The following TBCK variants were observed in gnomAD, a reference collection of about 807,000 sequenced individuals.
TBCK encodes the protein TBC1 domain containing kinase, also known as TBC domain-containing protein kinase-like protein.
Under a neutral mutation model 113.4 loss-of-function variants are expected in TBCK, and 99 were observed. That is an observed-to-expected ratio of 0.87 (90% CI 0.74 to 1.03). The LOEUF is 1.03. TBCK is among the 50% of genes least tolerant of loss of function. The pLI, the probability that TBCK is intolerant of heterozygous loss-of-function variation, is 0.00. For missense variants in TBCK, 1,045 were observed against 1,061.3 expected (o/e 0.98, Z 0.21); for synonymous variants, 369 against 370.8 (o/e 1.00, Z 0.05).
intron 3 of TBCK, among the ~76,000 whole-genome samples, chr4:106,269,111 T>A (rs572280003): frequency 2.8e-4 from 42 of 152,218 alleles, no homozygotes; most frequent in African/African-American, 9.4e-4. Flanking sequence ...TTACTTGGTA[T>A]CAGCCTGAAT....
chr4:106,133,500 T>C (rs956114145), intron 23 of TBCK, among the ~76,000 whole-genome samples: 4 of 151,996 alleles, frequency 2.6e-5, no homozygotes, highest in African/African-American at 9.7e-5. Flanking sequence ...TAAAAAGAGA[T>C]CATTAAATAG....
intron 9 of TBCK, chr4:106,247,504 C>G: frequency 2.4e-6 from 1 of 424,664 alleles, no homozygotes. Context: ...TGTACTTTAC[C>G]TCATGATGTA....
rs769379666 is a variant in TBCK at position 106,044,670 on chromosome 4, G to A, written c.*1900C>T. ...GAGGGGTTAATGTGGAATACCTGCT[G>A]ATCAGGTAGACAATTGCATACAATG... On this transcript the variant is annotated 3_prime_UTR_variant, in exon 26 of 26. Coordinates refer to ENST00000394708, the MANE Select transcript of TBCK (RefSeq NM_001163435.3). 2 of 152,178 alleles carry A rather than the reference G, an allele frequency of 1.3e-5. No individual in the cohort carries two copies. The highest frequency in any genetic ancestry group is 1.5e-5 in the Non-Finnish European group (1 of 68,034). The allele number at this position is 152,178 out of a possible 1,614,324, so 9.4% of individuals were successfully genotyped here. A position where few individuals can be genotyped will look rare whatever the true frequency, so the allele number is the denominator to read the frequency against.
chr4:106,237,477 T>C (rs1759601519), intron 12 of TBCK: 1 of 455,684 alleles, frequency 2.2e-6, no homozygotes, highest in Non-Finnish European at 4.4e-6. Context: ...TGATTAAAGT[T>C]AATGCCATCT....
At chr4:106,189,833 T>A (rs1753465023) in intron 22 of TBCK, among the ~76,000 whole-genome samples, 1 of 152,150 alleles carries the variant, frequency 6.6e-6, no homozygotes, top group East Asian at 1.9e-4. Flanking sequence ...TACCTCTCCA[T>A]TCACTTTTCT....
At chr4:106,122,024 C>T (rs1744458005) in intron 23 of TBCK, among the ~76,000 whole-genome samples, 1 of 152,064 alleles carries the variant, frequency 6.6e-6, no homozygotes, top group African/African-American at 2.4e-5. Context: ...TAACTAAAAT[C>T]AGAGCAGAAC....
intron 25 of TBCK, among the ~76,000 whole-genome samples, chr4:106,073,576 G>A (rs556031032): frequency 6.6e-6 from 1 of 152,326 alleles, no homozygotes; most frequent in Non-Finnish European, 1.5e-5. Context: ...GGGTGTCAGG[G>A]ACCCACTTGA....
At chr4:106,125,803 A>G (rs901879727) in intron 23 of TBCK, among the ~76,000 whole-genome samples, 6 of 152,178 alleles carry the variant, frequency 3.9e-5, no homozygotes, top group Admixed American at 6.5e-5. Context: ...ATATGGAAAT[A>G]CAGTTAGATA....
At chr4:106,289,658 C>A (rs1009887977) in intron 3 of TBCK, among the ~76,000 whole-genome samples, 8 of 151,398 alleles carry the variant, frequency 5.3e-5, no homozygotes, top group African/African-American at 1.7e-4. Context: ...GTCCCAGCTG[C>A]TCAGGAGGCT....
intron 22 of TBCK, among the ~76,000 whole-genome samples, chr4:106,181,207 A>C (rs1473668816): frequency 6.6e-6 from 1 of 151,842 alleles, no homozygotes; most frequent in Admixed American, 6.6e-5. Context: ...CCATTTTTTG[A>C]TGGGGTTCTT....
At chr4:106,291,281 C>T (rs531336732) in intron 3 of TBCK, among the ~76,000 whole-genome samples, 3 of 152,162 alleles carry the variant, frequency 2.0e-5, no homozygotes, top group Non-Finnish European at 2.9e-5. Flanking sequence ...TACAAGCTAA[C>T]CCCTAGTCAC....
At chr4:106,312,038 C>G (rs202172154) in intron 1 of TBCK, among the ~76,000 whole-genome samples, 1 of 151,980 alleles carries the variant, frequency 6.6e-6, no homozygotes, top group Admixed American at 6.6e-5. Context: ...CACAATAGAA[C>G]AAAGCACTAG....
intron 22 of TBCK, among the ~76,000 whole-genome samples, chr4:106,177,928 T>C (rs549509722): frequency 2.0e-5 from 3 of 152,008 alleles, no homozygotes; most frequent in Non-Finnish European, 4.4e-5. Context: ...AGCATGAACA[T>C]GTTAACATTA....
chr4:106,171,261 A>G lies in TBCK; in HGVS notation c.2069T>C (p.Ile690Thr). ...LLFSDLPEIDIERCVRESINL... is the reference protein window; with the variant it reads ...LLFSDLPEIDTERCVRESINL... ...GATAGATTCTCTCACACAGCGTTCA[A>G]TGTCAATTTCTAGATAGAAATGTTT... The change falls in exon 23 of 26, where the codon ATT becomes ACT. Residue 690 changes from isoleucine (I) to threonine (T), a missense_variant. Ile to Thr is a moderately conservative substitution (Grantham distance 89). Coordinates refer to ENST00000394708, the MANE Select transcript of TBCK (RefSeq NM_001163435.3). 6.2e-7 allele frequency: 1 copy of G among 1,600,860 alleles called. No homozygotes were observed. Among genetic ancestry groups the G allele is most frequent in the East Asian group, 2.3e-5 (1 of 44,358 alleles).
At chr4:106,112,252 G>C (rs1051765284) in intron 24 of TBCK, among the ~76,000 whole-genome samples, 1 of 152,142 alleles carries the variant, frequency 6.6e-6, no homozygotes, top group African/African-American at 2.4e-5. Flanking sequence ...TAAGTAAAAA[G>C]CAATTCAAGG....
intron 3 of TBCK, among the ~76,000 whole-genome samples, chr4:106,267,598 G>C (rs1763107111): frequency 6.6e-6 from 1 of 151,982 alleles, no homozygotes; most frequent in South Asian, 2.1e-4. Context: ...ACCTACAAAA[G>C]TCATAAATCT....
intron 19 of TBCK, among the ~76,000 whole-genome samples, chr4:106,224,221 A>G (rs1757994811): frequency 6.6e-6 from 1 of 152,094 alleles, no homozygotes; most frequent in African/African-American, 2.4e-5. Flanking sequence ...TATAAGAGGT[A>G]AAGCATTTTA....
At chr4:106,079,512 T>C (rs1255905856) in intron 25 of TBCK, among the ~76,000 whole-genome samples, 1 of 152,136 alleles carries the variant, frequency 6.6e-6, no homozygotes, top group East Asian at 1.9e-4. Context: ...TTTCTATATA[T>C]CATTAGCATT....
intron 20 of TBCK, among the ~76,000 whole-genome samples, chr4:106,202,800 T>C (rs2149846317): frequency 6.6e-6 from 1 of 152,114 alleles, no homozygotes; most frequent in Middle Eastern, 3.4e-3. Flanking sequence ...AGTCAGTCAT[T>C]CAATGTGAAG....
Sources: allele counts gnomAD v4.1 joint callset (sites outside exome capture counted in the v4.1 genomes callset), GRCh38; gene constraint gnomAD v4.1.1; transcripts MANE v1.5; gene names NCBI Gene and HGNC (gene_info 2026-07-23, HGNC 2026-07-21).